The following PCDHGA2 variants were observed in gnomAD, a reference collection of about 807,000 sequenced individuals.
PCDHGA2 encodes protocadherin gamma-A2.
A neutral mutation model predicts 59.2 loss-of-function variants in PCDHGA2; 40 were observed. The ratio of observed to expected loss-of-function variants is 0.68; its 90% CI spans 0.52 to 0.88. The LOEUF (loss-of-function observed/expected upper bound fraction) is 0.88, where lower values mean the gene tolerates loss of function less well. Among genes scored for constraint, PCDHGA2 ranks in the 40% least tolerant of loss-of-function variants. The probability of loss-of-function intolerance (pLI) is 0.00; values close to 1 mark genes in which losing one functional copy is unlikely to be tolerated. For missense variants in PCDHGA2, 1,226 were observed against 1,204.0 expected (o/e 1.02, Z -0.27); for synonymous variants, 560 against 526.0 (o/e 1.06, Z -0.89).
At chr5:141,500,326 A>T (rs1041431019) in intron 2 of PCDHGA2, among the ~76,000 whole-genome samples, 7 of 152,022 alleles carry the variant, frequency 4.6e-5, no homozygotes, top group Non-Finnish European at 1.0e-4. Context: ...CTCCTGCCTC[A>T]GCCTCCAGAA....
chr5:141,392,713 G>A, intron 1 of PCDHGA2: 3 of 1,363,444 alleles, frequency 2.2e-6, no homozygotes, highest in Non-Finnish European at 2.9e-6. Context: ...AGGCACTCCA[G>A]GTTTCCGGAG....
chr5:141,375,719 G>C (rs1478749716), intron 1 of PCDHGA2: 1 of 1,614,262 alleles, frequency 6.2e-7, no homozygotes, highest in South Asian at 1.1e-5. Flanking sequence ...TAGCAGCAAC[G>C]TGTCACTGAG....
intron 1 of PCDHGA2, chr5:141,423,295 C>A: frequency 6.2e-7 from 1 of 1,614,146 alleles, no homozygotes; most frequent in Non-Finnish European, 8.5e-7. Context: ...AACCTCAGAC[C>A]TCTCGCTGTA....
At chr5:141,458,459 A>G (rs1232004043) in intron 1 of PCDHGA2, among the ~76,000 whole-genome samples, 1 of 152,006 alleles carries the variant, frequency 6.6e-6, no homozygotes, top group African/African-American at 2.4e-5. Flanking sequence ...AATTTTTAAA[A>G]TACCGTACAA....
In PCDHGA2 at chr5:141,476,718, C is replaced by T; in HGVS notation, c.2425-18089C>T. On this transcript the variant is annotated intron_variant, in intron 1 of 3. Transcript: ENST00000394576. The surrounding 1 kb of genome is among the most constrained non-coding windows in gnomAD (Gnocchi z 7.6). ...TACGCGGAGCTGGTGTTGGAGCGCG[C>T]CCTGGACCGAGAACGGGAGCCTAGT... The T allele has an allele frequency of 1.2e-6, 2 of 1,614,144 alleles. No individual in the cohort carries two copies. The highest frequency in any genetic ancestry group is 2.2e-5 in the East Asian group (1 of 44,874).
At position 141,357,060 on chromosome 5, in the gene PCDHGA2, G is replaced by A. The variant is rs755597830; in HGVS notation, c.2424+15665G>A. The A allele has an allele frequency of 2.5e-6, 4 of 1,613,996 alleles. No individual in the cohort carries two copies. The South Asian group carries it at 3.3e-5, about 13-fold the overall frequency. ...GCGAGCCGGGACTATTTGCAGTGGG[G>A]CTGCACACAGGCGAGGTGCGCACCG... is the stretch of plus-strand genomic sequence containing the variant. On this transcript the variant is annotated intron_variant, in intron 1 of 3. Coordinates refer to ENST00000394576, the MANE Select transcript of PCDHGA2 (RefSeq NM_018915.4).
At chr5:141,390,110 C>T (rs2092051149) in intron 1 of PCDHGA2, 22 of 1,613,970 alleles carry the variant, frequency 1.4e-5, no homozygotes, top group Non-Finnish European at 1.9e-5. Flanking sequence ...CCAACTACAG[C>T]GAGGGGACTT....
At chr5:141,400,681 T>C in intron 1 of PCDHGA2, 1 of 834,118 alleles carries the variant, frequency 1.2e-6, no homozygotes, top group Non-Finnish European at 1.9e-6. Flanking sequence ...CAGTAAATTG[T>C]GAGTTTTTAT....
At position 141,495,009 on chromosome 5, in the gene PCDHGA2, G is replaced by A; in HGVS notation, c.2483+144G>A. 6 of 1,518,622 alleles carry A rather than the reference G, an allele frequency of 4.0e-6. No homozygotes were observed. The South Asian group carries it at 6.2e-5, about 16-fold the overall frequency. The allele number at this position is 1,518,622 out of a possible 1,614,324, so 94.1% of individuals were successfully genotyped here. ...TCCCAGGGAGGTCTTGGTGTGCGGG[G>A]GGCTGGCACACAGACCCCGGAAGGA... is the stretch of plus-strand genomic sequence containing the variant. On this transcript the variant is annotated intron_variant, in intron 2 of 3. Coordinates refer to ENST00000394576, the MANE Select transcript of PCDHGA2 (RefSeq NM_018915.4).
intron 1 of PCDHGA2, chr5:141,364,511 G>A (rs371508186): frequency 2.5e-6 from 4 of 1,613,922 alleles, no homozygotes; most frequent in Non-Finnish European, 1.7e-6. Context: ...GGAGCTGGCG[G>A]AGCGCGGAGT....
intron 1 of PCDHGA2, chr5:141,393,474 C>T (rs773609499): frequency 6.2e-7 from 1 of 1,613,926 alleles, no homozygotes; most frequent in African/African-American, 1.3e-5. Context: ...CGGCAAGCCG[C>T]CTCGCTCTAG....
intron 1 of PCDHGA2, chr5:141,404,273 C>G (rs751189949): frequency 6.2e-7 from 1 of 1,613,870 alleles, no homozygotes; most frequent in African/African-American, 1.3e-5. Flanking sequence ...CATCACCCTG[C>G]AAGTGACTGA....
chr5:141,364,876 G>C (rs1763590066), intron 1 of PCDHGA2: 1 of 1,613,964 alleles, frequency 6.2e-7, no homozygotes. Flanking sequence ...CTCTGGATGT[G>C]GTAAGCGGAA....
intron 1 of PCDHGA2, among the ~76,000 whole-genome samples, chr5:141,446,473 G>C (rs558209769): frequency 2.0e-4 from 29 of 148,138 alleles, no homozygotes; most frequent in Non-Finnish European, 1.5e-4. Context: ...TAGACATATG[G>C]TCATCATTCT....
At chr5:141,468,737 G>A (rs1288031024) in intron 1 of PCDHGA2, among the ~76,000 whole-genome samples, 1 of 151,948 alleles carries the variant, frequency 6.6e-6, no homozygotes, top group African/African-American at 2.4e-5. Context: ...GTGGTGGCGG[G>A]TGCCTGTAGT....
At chr5:141,461,892 C>T (rs976827774) in intron 1 of PCDHGA2, among the ~76,000 whole-genome samples, 2 of 152,030 alleles carry the variant, frequency 1.3e-5, no homozygotes, top group Non-Finnish European at 2.9e-5. Context: ...GGCACGATCT[C>T]GGCTCACTGC....
At chr5:141,396,974 T>C (rs947865597) in intron 1 of PCDHGA2, among the ~76,000 whole-genome samples, 3 of 152,218 alleles carry the variant, frequency 2.0e-5, no homozygotes, top group Admixed American at 6.5e-5. Flanking sequence ...CCTAAAAATG[T>C]TGGCTAGTTG....
At chr5:141,366,724 T>C (rs917379074) in intron 1 of PCDHGA2, 1 of 1,613,556 alleles carries the variant, frequency 6.2e-7, no homozygotes, top group African/African-American at 1.3e-5. Flanking sequence ...ATAAGGTAGA[T>C]GCAAACAAAG....
At chr5:141,360,575 A>G in intron 1 of PCDHGA2, 1 of 1,614,000 alleles carries the variant, frequency 6.2e-7, no homozygotes, top group Non-Finnish European at 8.5e-7. Flanking sequence ...GAATCCACTA[A>G]GCCAGGTACA....
Sources: allele counts gnomAD v4.1 joint callset (sites outside exome capture counted in the v4.1 genomes callset), GRCh38; gene constraint gnomAD v4.1.1; non-coding constraint Gnocchi (gnomAD v3.1); transcripts MANE v1.5; gene names NCBI Gene and HGNC (gene_info 2026-07-23, HGNC 2026-07-21).